Variants in CATSPERE observed in about 807,000 individuals in gnomAD.
CATSPERE encodes cation channel sperm-associated auxiliary subunit epsilon.
CATSPERE carries 93 observed loss-of-function variants against 114.1 expected under a neutral mutation model. The ratio of observed to expected loss-of-function variants is 0.81; its 90% CI spans 0.69 to 0.97. The LOEUF is 0.97. Ranked by LOEUF, CATSPERE falls within the 50% of genes least tolerant of loss-of-function variation. CATSPERE has a pLI of 0.00. For synonymous variants in CATSPERE, 341 were observed against 384.1 expected (o/e 0.89, Z 1.31); for missense variants, 1,058 against 1,131.6 (o/e 0.93, Z 0.93).
Position 244,625,428 on chromosome 1 carries a change from A to AT in CATSPERE, c.2648+7743dup, listed in dbSNP as rs1234328450. On this transcript the variant is annotated intron_variant, in intron 20 of 21. Transcript: ENST00000366534. Reference sequence around the variant, plus strand: ...TATTTATATATATATATATATATATATATATTTTTTTTTTTTTTTGAGATG... The same window carrying AT: ...TATTTATATATATATATATATATATATTATATTTTTTTTTTTTTTTGAGATG... Among the ~76,000 whole-genome samples, 2 of 3,744 alleles carry AT rather than the reference A, an allele frequency of 5.3e-4. 1 individual carries two copies. Among genetic ancestry groups the AT allele is most frequent in the African/African-American group, 1.1e-3 (2 of 1,866 alleles). The allele number at this position is 3,744 out of a possible 152,430, so 2.5% of individuals were successfully genotyped here.
intron 10 of CATSPERE, among the ~76,000 whole-genome samples, chr1:244,567,871 T>G (rs986587556): frequency 6.6e-6 from 1 of 152,136 alleles, no homozygotes; most frequent in Non-Finnish European, 1.5e-5. Context: ...TCTGTCCAGT[T>G]TTGTTCCCTT....
chr1:244,456,406 TTC>T (rs1666169913), upstream of CATSPERE, among the ~76,000 whole-genome samples: 2 of 152,098 alleles, frequency 1.3e-5, no homozygotes, highest in South Asian at 2.1e-4. Flanking sequence ...GTGCTGAATC[TTC>T]TCTCTGGTGT....
Position 244,573,442 on chromosome 1 carries a change from C to CA in CATSPERE, c.1950+677dup, listed in dbSNP as rs1192200806. 6.6e-6 allele frequency among the ~76,000 whole-genome samples: 1 copy of CA among 151,386 alleles called. No individual in the cohort carries two copies. The highest frequency in any genetic ancestry group is 1.5e-5 in the Non-Finnish European group (1 of 67,778). On this transcript the variant is annotated intron_variant, in intron 11 of 21. Transcript: ENST00000366534. This position sits in a 1 kb window ranked among gnomAD's most constrained non-coding sequence, Gnocchi z 4.0. ...CAAAACAAAACAAAACAAAACAAAA[C>CA]AAAAAAACCAATTCTATCCGTCAAT...
At chr1:244,493,212 A>C (rs893553252) in intron 6 of CATSPERE, among the ~76,000 whole-genome samples, 4 of 152,130 alleles carry the variant, frequency 2.6e-5, no homozygotes, top group African/African-American at 9.7e-5. Context: ...CTACAAGGCT[A>C]CAGTAACCAA....
rs551466313 is a variant in CATSPERE, at chr1:244,558,937, T to C, written c.1030-1731T>C. Among the ~76,000 whole-genome samples the C allele has an allele frequency of 5.3e-5, 8 of 152,324 alleles. No individual in the cohort carries two copies. In the South Asian group the frequency reaches 1.7e-3, roughly 32 times the overall value. On this transcript the variant is annotated intron_variant, in intron 9 of 21. Transcript: ENST00000366534. ...CAGAGCTGAGAATCCAGAGTGTGGA[T>C]GGGTTTCTCTCAACTTGTCCAGCTT...
At chr1:244,531,304 C>T (rs1365858808) in intron 8 of CATSPERE, among the ~76,000 whole-genome samples, 2 of 151,696 alleles carry the variant, frequency 1.3e-5, no homozygotes, top group Non-Finnish European at 2.9e-5. Flanking sequence ...TCTTCCATCC[C>T]AATCTGGATG....
intron 7 of CATSPERE, among the ~76,000 whole-genome samples, chr1:244,500,285 T>G (rs1402252583): frequency 6.6e-6 from 1 of 152,178 alleles, no homozygotes; most frequent in Admixed American, 6.5e-5. Context: ...TTTCTCCCAT[T>G]CTGTAGTTTG....
intron 9 of CATSPERE, 82 bp downstream of exon 9, chr1:244,552,896 C>G: frequency 4.2e-6 from 3 of 720,816 alleles, no homozygotes; most frequent in Non-Finnish European, 5.5e-6. Context: ...CAGTGATAAA[C>G]AGAGACTTAC....
Position 244,573,777 on chromosome 1 carries a change from C to T in CATSPERE, c.1950+1005C>T, listed in dbSNP as rs1664832432. Among the ~76,000 whole-genome samples the T allele has an allele frequency of 6.6e-6, 1 of 152,174 alleles. No homozygotes were observed. The highest frequency in any genetic ancestry group is 2.4e-5 in the African/African-American group (1 of 41,438). ...AACTCTACCTCTTATGGAGAAATAG[C>T]AAGTTACACTGCATACGGGACATGC... is the stretch of plus-strand genomic sequence containing the variant. On this transcript the variant is annotated intron_variant, in intron 11 of 21. Coordinates refer to ENST00000366534, the MANE Select transcript of CATSPERE (RefSeq NM_001130957.2). The surrounding 1 kb of genome is among the most constrained non-coding windows in gnomAD (Gnocchi z 4.0).
At chr1:244,580,432 C>G (rs1317013342) in intron 11 of CATSPERE, among the ~76,000 whole-genome samples, 1 of 151,978 alleles carries the variant, frequency 6.6e-6, no homozygotes, top group Non-Finnish European at 1.5e-5. Context: ...CAGGCTGGGT[C>G]ACTGTAACTT....
At chr1:244,498,297 A>G (rs1237357265) in intron 6 of CATSPERE, among the ~76,000 whole-genome samples, 1 of 152,220 alleles carries the variant, frequency 6.6e-6, no homozygotes, top group Non-Finnish European at 1.5e-5. Flanking sequence ...TGAAAATAAT[A>G]TATCTATTGG....
intron 20 of CATSPERE, among the ~76,000 whole-genome samples, chr1:244,632,572 A>G (rs1674104392): frequency 1.3e-5 from 2 of 152,128 alleles, no homozygotes; most frequent in East Asian, 1.9e-4. Flanking sequence ...ATAGTATACC[A>G]TTAAATGGTA....
chr1:244,583,460 G>C (rs1666542221), intron 12 of CATSPERE, among the ~76,000 whole-genome samples: 1 of 152,100 alleles, frequency 6.6e-6, no homozygotes, highest in African/African-American at 2.4e-5. Context: ...ATCAATACGA[G>C]GGGAAAACGG....
Position 244,588,521 on chromosome 1 carries a change from A to T in CATSPERE, c.2125A>T (p.Ile709Phe). ...IAVGCDDKKF[I>F]AIKGFSKKGC... is the part of the protein sequence containing the mutation. ...TGTTGGCTGTGATGATAAAAAATTC[A>T]TTGCAATTAAAGGGTAAGTATATTT... Residue 709 changes from isoleucine (I) to phenylalanine (F), a missense_variant, in exon 14 of 22, where the codon ATT becomes TTT. By Grantham distance (21) the Ile-to-Phe change is conservative (BLOSUM62 0). This residue lies in a region of CATSPERE where 787 missense variants were observed against 905.6 expected (regional missense o/e 0.87). Transcript: ENST00000366534. 6.2e-7 allele frequency: 1 copy of T among 1,610,496 alleles called. No homozygotes were observed. Among genetic ancestry groups the T allele is most frequent in the South Asian group, 1.1e-5 (1 of 91,010 alleles).
chr1:244,629,326 C>T (rs1175879609), intron 20 of CATSPERE, among the ~76,000 whole-genome samples: 2 of 152,116 alleles, frequency 1.3e-5, no homozygotes, highest in Non-Finnish European at 1.5e-5. Context: ...GGTCCCTCTG[C>T]ATATTTGGAG....
chr1:244,552,671 G>A lies in CATSPERE; in HGVS notation c.886G>A (p.Gly296Arg), dbSNP rs1660849307. 1 of 1,614,032 alleles carries A rather than the reference G, an allele frequency of 6.2e-7. No homozygotes were observed. The highest frequency in any genetic ancestry group is 1.3e-5 in the African/African-American group (1 of 75,014). Residue 296 changes from glycine to arginine, a missense_variant, in exon 9 of 22, where the codon GGA becomes AGA. Physicochemically the swap from Gly to Arg is moderately radical, Grantham distance 125. Around this residue, in one of 2 missense-constraint regions of CATSPERE, gnomAD observed 787 missense variants for 905.6 expected, o/e 0.87. Transcript: ENST00000366534. ...SVAHVILSRDGIVFLINGVLY... is the reference protein window; with the variant it reads ...SVAHVILSRDRIVFLINGVLY... ...GGCTCATGTGATCTTATCGCGGGAT[G>A]GAATCGTTTTTCTTATAAATGGTGT...
chr1:244,510,248 A>G (rs1290167556), intron 7 of CATSPERE, among the ~76,000 whole-genome samples: 3 of 152,134 alleles, frequency 2.0e-5, no homozygotes, highest in Admixed American at 1.3e-4. Context: ...ACAGCATCCC[A>G]TAGATTTTGA....
chr1:244,467,038 T>G (rs1334520895), intron 2 of CATSPERE, among the ~76,000 whole-genome samples: 1 of 152,216 alleles, frequency 6.6e-6, no homozygotes, highest in Non-Finnish European at 1.5e-5. Context: ...TATGCAGGAA[T>G]GAATGATCAT....
chr1:244,509,083 T>C (rs1410063516), intron 7 of CATSPERE, among the ~76,000 whole-genome samples: 3 of 151,954 alleles, frequency 2.0e-5, no homozygotes, highest in Non-Finnish European at 4.4e-5. Context: ...ATTGCTCGGC[T>C]AGGACTTCCA....
Sources: gnomAD v4.1 joint callset for allele counts (sites outside exome capture counted in the v4.1 genomes callset) on GRCh38, gnomAD v4.1.1 for gene constraint, gnomAD v4.1.1 regional missense constraint, Gnocchi (gnomAD v3.1) non-coding constraint, MANE v1.5 for transcripts, NCBI Gene and HGNC (gene_info 2026-07-23, HGNC 2026-07-21) for gene names.